Variants in TJP2 observed in about 807,000 individuals in gnomAD.
TJP2 encodes the protein tight junction protein 2.
In TJP2, 91 loss-of-function variants were observed where a neutral mutation model predicts 133.1. That is an observed-to-expected ratio of 0.68 (90% CI 0.58 to 0.81). The LOEUF (loss-of-function observed/expected upper bound fraction) is 0.81. Ranked by LOEUF, TJP2 falls within the 40% of genes least tolerant of loss-of-function variation. TJP2 has a pLI of 0.00. For synonymous variants in TJP2, 592 were observed against 583.4 expected, an observed-to-expected ratio of 1.01 and a Z score of -0.21; for missense variants, 1,541 against 1,565.6, an observed-to-expected ratio of 0.98 and a Z score of 0.26.
intron 10 of TJP2, among the ~76,000 whole-genome samples, 173 bp from the exon 11 acceptor site, chr9:69,229,908 TC>T (rs1191876483): frequency 6.6e-6 from 1 of 152,118 alleles, no homozygotes; most frequent in Non-Finnish European, 1.5e-5. Context: ...CATCTCATGG[TC>T]CCAAGAAAGA....
intron 2 of TJP2, among the ~76,000 whole-genome samples, chr9:69,167,819 G>A (rs1487717230): frequency 6.8e-6 from 1 of 147,920 alleles, no homozygotes; most frequent in African/African-American, 2.5e-5. Flanking sequence ...GGTGAGCCAA[G>A]ATTGCACCAC....
At chr9:69,219,987 C>A (rs1467845587) in intron 4 of TJP2, among the ~76,000 whole-genome samples, 3 of 152,058 alleles carry the variant, frequency 2.0e-5, no homozygotes, top group Non-Finnish European at 4.4e-5. Context: ...CCCGTCTCTA[C>A]TAAAAATACA....
intron 2 of TJP2, among the ~76,000 whole-genome samples, chr9:69,167,173 C>T (rs1051428141): frequency 7.9e-5 from 12 of 151,038 alleles, no homozygotes; most frequent in Non-Finnish European, 1.5e-4. Context: ...AGGAGGCGGA[C>T]GTTGCAGTGA....
intron 1 of TJP2, among the ~76,000 whole-genome samples, chr9:69,211,646 C>T (rs994326452): frequency 6.6e-6 from 1 of 152,166 alleles, no homozygotes; most frequent in Non-Finnish European, 1.5e-5. Context: ...GGTGTGGTCA[C>T]GTCTGTAATA....
At chr9:69,238,969 C>G (rs546436759) in intron 16 of TJP2, among the ~76,000 whole-genome samples, 180 bp downstream of exon 16, 1 of 152,220 alleles carries the variant, frequency 6.6e-6, no homozygotes, top group African/African-American at 2.4e-5. Context: ...GGGTGGATCA[C>G]CTGAGGTCAG....
intron 2 of TJP2, among the ~76,000 whole-genome samples, chr9:69,215,712 A>G (rs1364666025): frequency 6.6e-6 from 1 of 151,048 alleles, no homozygotes; most frequent in Non-Finnish European, 1.5e-5. Flanking sequence ...TTAATATGTC[A>G]AAACATCACA....
At chr9:69,143,132 GC>G (rs1373222350) in intron 1 of TJP2, among the ~76,000 whole-genome samples, 1 of 152,202 alleles carries the variant, frequency 6.6e-6, no homozygotes. Flanking sequence ...ATTTGCTAAG[GC>G]AGAATTATTT....
chr9:69,136,300 C>T (rs1427191166), intron 1 of TJP2, among the ~76,000 whole-genome samples: 1 of 152,106 alleles, frequency 6.6e-6, no homozygotes, highest in Non-Finnish European at 1.5e-5. Flanking sequence ...GGGAGGATCA[C>T]TTGAGACCAG....
intron 11 of TJP2, among the ~76,000 whole-genome samples, chr9:69,231,394 G>A (rs933802456): frequency 1.4e-4 from 21 of 152,156 alleles, no homozygotes; most frequent in South Asian, 2.1e-4. Flanking sequence ...CACTGCGCCC[G>A]GCTGGGAACT....
In TJP2 at chr9:69,128,176, G is replaced by A. The variant is rs562794586; in HGVS notation, c.-131+6451G>A. ...CATTATGGGCATCTGGATTGTTTCT[G>A]CTTTCTGGCTATTATGAATAATGTT... On this transcript the variant is annotated intron_variant, in intron 1 of 5. Transcript: ENST00000423935. Among the ~76,000 whole-genome samples the A allele has an allele frequency of 2.6e-5, 2 of 77,264 alleles. 1 individual carries two copies. Among genetic ancestry groups the A allele is most frequent in the South Asian group, 7.1e-4 (2 of 2,812 alleles). 50.7% of individuals were successfully genotyped at this position (77,264 alleles called of 152,430 possible).
intron 1 of TJP2, among the ~76,000 whole-genome samples, chr9:69,136,290 G>A (rs753405226): frequency 8.5e-5 from 13 of 152,250 alleles, no homozygotes; most frequent in East Asian, 1.9e-4. Context: ...AGGCCAAAGC[G>A]GGAGGATCAC....
intron 10 of TJP2, among the ~76,000 whole-genome samples, chr9:69,229,719 TCTG>T (rs1383495898): frequency 2.0e-5 from 3 of 152,210 alleles, no homozygotes; most frequent in Non-Finnish European, 2.9e-5. Context: ...GGATTAGGAT[TCTG>T]CTTCTTTGTA....
chr9:69,151,120 T>C (rs1012722457), intron 1 of TJP2, among the ~76,000 whole-genome samples: 1 of 152,014 alleles, frequency 6.6e-6, no homozygotes, highest in African/African-American at 2.4e-5. Flanking sequence ...AGAGAGAGAA[T>C]TGGGGGCTCA....
chr9:69,136,710 A>T lies in TJP2; in HGVS notation c.-130-14941A>T, dbSNP rs548906900. Among the ~76,000 whole-genome samples the T allele has an allele frequency of 3.3e-5, 5 of 152,156 alleles. No homozygotes were observed. The South Asian group carries it at 1.0e-3, about 32-fold the overall frequency. ...TTTCCTGGTTGGGGGTGTCTGGGAA[A>T]AACTCAGCCCATGAGGGAGAAGGAG... On this transcript the variant is annotated intron_variant, in intron 1 of 5. Transcript: ENST00000423935.
intron 7 of TJP2, among the ~76,000 whole-genome samples, chr9:69,227,234 A>G (rs1829420815): frequency 6.6e-6 from 1 of 152,176 alleles, no homozygotes; most frequent in South Asian, 2.1e-4. Flanking sequence ...GGAAAACAAA[A>G]GGAGCATGAG....
At chr9:69,150,255 A>G (rs1823405488) in intron 1 of TJP2, among the ~76,000 whole-genome samples, 1 of 151,264 alleles carries the variant, frequency 6.6e-6, no homozygotes, top group South Asian at 2.1e-4. Flanking sequence ...GGTAAATTTT[A>G]TGTTATGTGT....
At chr9:69,133,666 C>T (rs1822598136) in intron 1 of TJP2, among the ~76,000 whole-genome samples, 1 of 151,468 alleles carries the variant, frequency 6.6e-6, no homozygotes, top group African/African-American at 2.4e-5. Flanking sequence ...ATTCTCCTGC[C>T]TCAGCCTCCT....
At chr9:69,204,736 CGTGT>C in intron 1 of TJP2, 6 of 738,676 alleles carry the variant, frequency 8.1e-6, no homozygotes, top group Non-Finnish European at 6.6e-6. Flanking sequence ...TTCTAGCTGG[CGTGT>C]GTGTGTGTGT....
intron 2 of TJP2, among the ~76,000 whole-genome samples, chr9:69,214,873 A>AAG (rs1423209234): frequency 6.6e-6 from 1 of 151,792 alleles, no homozygotes; most frequent in African/African-American, 2.4e-5. Flanking sequence ...TCTCAAAAAA[A>AAG]AAAAAAACAA....
Sources: allele counts gnomAD v4.1 joint callset (sites outside exome capture counted in the v4.1 genomes callset), GRCh38; gene constraint gnomAD v4.1.1; transcripts MANE v1.5; gene names NCBI Gene and HGNC (gene_info 2026-07-23, HGNC 2026-07-21).